Variants in DENND1A observed in about 807,000 individuals in gnomAD.
The protein encoded by DENND1A is DENN domain-containing protein 1A.
Under a neutral mutation model 113.7 loss-of-function variants are expected in DENND1A, and 51 were observed. The ratio of observed to expected loss-of-function variants is 0.45; its 90% CI spans 0.36 to 0.57. The LOEUF (loss-of-function observed/expected upper bound fraction) is 0.57. Ranked by LOEUF, DENND1A falls within the 20% of genes least tolerant of loss-of-function variation. The pLI is 0.00. For missense variants in DENND1A, 1,258 were observed against 1,395.9 expected (o/e 0.90, Z 1.57); for synonymous variants, 565 against 570.8 (o/e 0.99, Z 0.14).
At chr9:123,494,641 AGTCT>A (rs1364491962) in intron 13 of DENND1A, among the ~76,000 whole-genome samples, 2 of 152,282 alleles carry the variant, frequency 1.3e-5, no homozygotes, top group Admixed American at 1.3e-4. Context: ...AAGGAAACAC[AGTCT>A]GATGATCCCA....
At chr9:123,825,516 A>G (rs1356151771) in intron 2 of DENND1A, among the ~76,000 whole-genome samples, 1 of 152,216 alleles carries the variant, frequency 6.6e-6, no homozygotes, top group Non-Finnish European at 1.5e-5. Context: ...GCAGGTGTCC[A>G]ATCCTACCAC....
rs1252046642 is a variant in DENND1A at position 123,422,570 on chromosome 9, G to T, written c.1489-10741C>A. On this transcript the variant is annotated intron_variant, in intron 19 of 23. Coordinates refer to ENST00000394215, the MANE Select transcript of DENND1A (RefSeq NM_001352964.2). This position sits in a 1 kb window ranked among gnomAD's most constrained non-coding sequence, Gnocchi z 4.8. The stretch of plus-strand genomic sequence containing the variant: ...GGAGAACCTGGTTTTAAAATTCCTG[G>T]ACCTTGGAATACATTTCTATCTGTG... Among the ~76,000 whole-genome samples, 1 of 151,694 alleles carries T rather than the reference G, an allele frequency of 6.6e-6. No individual in the cohort carries two copies. Among genetic ancestry groups the T allele is most frequent in the Non-Finnish European group, 1.5e-5 (1 of 67,976 alleles).
rs560172527 is a variant in DENND1A at position 123,392,918 on chromosome 9, G to C, written c.1632-5060C>G. 4.3e-4 allele frequency among the ~76,000 whole-genome samples: 66 copies of C among 152,264 alleles called. 1 individual carries two copies. In the South Asian group the frequency reaches 0.013, roughly 31 times the overall value. On this transcript the variant is annotated intron_variant, in intron 21 of 23. Transcript: ENST00000394215. The stretch of plus-strand genomic sequence containing the variant: ...TATGAGTGAGAACATATGATGTTTG[G>C]TTTTCCATTCCTGAGTTACTTCACT...
intron 20 of DENND1A, among the ~76,000 whole-genome samples, chr9:123,404,370 C>T (rs2043761700): frequency 6.6e-6 from 1 of 152,262 alleles, no homozygotes; most frequent in African/African-American, 2.4e-5. Context: ...CATCTCTGTA[C>T]ACTCCCAGTG....
intron 1 of DENND1A, among the ~76,000 whole-genome samples, chr9:123,927,147 C>T (rs571298412): frequency 2.6e-5 from 4 of 152,324 alleles, no homozygotes; most frequent in South Asian, 4.1e-4. Flanking sequence ...TTCCACGGTA[C>T]CTGACAGAGA....
At chr9:123,848,921 T>C (rs963986658) in intron 2 of DENND1A, among the ~76,000 whole-genome samples, 1 of 152,160 alleles carries the variant, frequency 6.6e-6, no homozygotes, top group East Asian at 1.9e-4. Flanking sequence ...TTCAATTCTA[T>C]GAAGGCTGAG....
chr9:123,549,618 A>G (rs1335872873), intron 13 of DENND1A, among the ~76,000 whole-genome samples: 1 of 152,162 alleles, frequency 6.6e-6, no homozygotes, highest in Non-Finnish European at 1.5e-5. Flanking sequence ...TGTTTAGTGG[A>G]GTATTACTTA....
At chr9:123,588,269 G>C (rs372633806) in intron 11 of DENND1A, among the ~76,000 whole-genome samples, 87 of 115,830 alleles carry the variant, frequency 7.5e-4, no homozygotes, top group African/African-American at 2.8e-3. Context: ...GACAATAAGA[G>C]TGAAACTCTG....
At chr9:123,504,450 A>C (rs543029425) in intron 13 of DENND1A, among the ~76,000 whole-genome samples, 4 of 152,388 alleles carry the variant, frequency 2.6e-5, no homozygotes, top group Admixed American at 6.5e-5. Context: ...ATGCTCACAG[A>C]ACATCAGAAG....
intron 21 of DENND1A, among the ~76,000 whole-genome samples, chr9:123,391,455 G>A (rs1204781535): frequency 6.6e-6 from 1 of 152,192 alleles, no homozygotes. Context: ...GGCTCAGAGA[G>A]GGGGAGTCAC....
chr9:123,903,331 CA>C (rs869154918), intron 1 of DENND1A, among the ~76,000 whole-genome samples: 723 of 27,000 alleles, frequency 0.027, no homozygotes, highest in Non-Finnish European at 0.042. Flanking sequence ...GACTCCGTCT[CA>C]AAAAAAAAAA....
At chr9:123,444,384 G>A (rs923402911) in intron 18 of DENND1A, among the ~76,000 whole-genome samples, 8 of 152,146 alleles carry the variant, frequency 5.3e-5, no homozygotes, top group African/African-American at 1.7e-4. Context: ...AATGACATGT[G>A]GGCCTGGTGC....
chr9:123,745,852 C>G (rs79794051), intron 5 of DENND1A, among the ~76,000 whole-genome samples: 3,459 of 152,216 alleles, frequency 0.023, 53 homozygotes, highest in Non-Finnish European at 0.034. Context: ...TCATACAACA[C>G]AGAACACTAG....
At chr9:123,650,632 A>G (rs924763999) in intron 9 of DENND1A, among the ~76,000 whole-genome samples, 2 of 152,150 alleles carry the variant, frequency 1.3e-5, no homozygotes, top group African/African-American at 4.8e-5. Flanking sequence ...ATGCATAAAA[A>G]ATAAGATGGA....
chr9:123,580,288 T>C (rs1390338904), intron 12 of DENND1A, among the ~76,000 whole-genome samples: 1 of 152,172 alleles, frequency 6.6e-6, no homozygotes, highest in African/African-American at 2.4e-5. Flanking sequence ...ATCTTGGAAT[T>C]TGCCATCTTC....
chr9:123,603,420 C>T (rs2137469245), intron 11 of DENND1A, among the ~76,000 whole-genome samples: 1 of 152,304 alleles, frequency 6.6e-6, no homozygotes, highest in South Asian at 2.1e-4. Context: ...CCAAGATGAG[C>T]TTTGATTTGG....
chr9:123,775,821 C>T (rs978819519), intron 3 of DENND1A, among the ~76,000 whole-genome samples: 33 of 152,328 alleles, frequency 2.2e-4, no homozygotes, highest in African/African-American at 7.7e-4. Flanking sequence ...CCTGAGGTCT[C>T]ACTCCTTTTA....
At chr9:123,698,672 A>T (rs527594105) in intron 5 of DENND1A, among the ~76,000 whole-genome samples, 1 of 152,336 alleles carries the variant, frequency 6.6e-6, no homozygotes, top group East Asian at 1.9e-4. Context: ...GATCCCTTAG[A>T]TTCGTTCCCC....
intron 7 of DENND1A, among the ~76,000 whole-genome samples, chr9:123,670,744 C>T: frequency 6.6e-6 from 1 of 152,172 alleles, no homozygotes; most frequent in South Asian, 2.1e-4. Context: ...TAACTAAGTA[C>T]CACAAAGTGT....
Sources: allele counts gnomAD v4.1 joint callset (sites outside exome capture counted in the v4.1 genomes callset), GRCh38; gene constraint gnomAD v4.1.1; non-coding constraint Gnocchi (gnomAD v3.1); transcripts MANE v1.5; gene names NCBI Gene and HGNC (gene_info 2026-07-23, HGNC 2026-07-21).